The following GUCY1A2 variants were observed in gnomAD, a reference collection of about 807,000 sequenced individuals.
The protein encoded by GUCY1A2 is guanylate cyclase soluble subunit alpha-2.
A neutral mutation model predicts 63.5 loss-of-function variants in GUCY1A2; 27 were observed. The ratio of observed to expected loss-of-function variants is 0.43; its 90% CI spans 0.31 to 0.59. The LOEUF (loss-of-function observed/expected upper bound fraction) is 0.59, where lower values mean the gene tolerates loss of function less well. Ranked by LOEUF, GUCY1A2 falls within the 20% of genes least tolerant of loss-of-function variation. The pLI, the probability that GUCY1A2 is intolerant of heterozygous loss-of-function variation, is 0.11. For missense variants in GUCY1A2, 768 were observed against 913.3 expected (o/e 0.84, Z 2.05); for synonymous variants, 364 against 343.5 (o/e 1.06, Z -0.66).
intron 5 of GUCY1A2, among the ~76,000 whole-genome samples, chr11:106,805,881 C>A (rs953066235): frequency 1.3e-5 from 2 of 152,134 alleles, no homozygotes; most frequent in Admixed American, 1.3e-4. Context: ...TGTACAAAAA[C>A]TATAGGCTTT....
At chr11:106,855,856 T>G (rs1859422497) in intron 4 of GUCY1A2, among the ~76,000 whole-genome samples, 1 of 151,888 alleles carries the variant, frequency 6.6e-6, no homozygotes, top group Non-Finnish European at 1.5e-5. Flanking sequence ...TAGTCCTTCA[T>G]AGTTCAAGGG....
At chr11:106,755,244 T>C (rs1176371312) in intron 6 of GUCY1A2, among the ~76,000 whole-genome samples, 1 of 150,548 alleles carries the variant, frequency 6.6e-6, no homozygotes, top group East Asian at 1.9e-4. Context: ...ATCTCTTTTC[T>C]TATTAGTCTT....
At chr11:106,733,838 C>T (rs914275872) in intron 6 of GUCY1A2, among the ~76,000 whole-genome samples, 8 of 152,072 alleles carry the variant, frequency 5.3e-5, no homozygotes, top group African/African-American at 1.7e-4. Context: ...ACTTGGATAT[C>T]GAAGGCAATC....
chr11:106,721,857 C>T (rs1863322425), intron 6 of GUCY1A2, among the ~76,000 whole-genome samples: 1 of 152,206 alleles, frequency 6.6e-6, no homozygotes, highest in Non-Finnish European at 1.5e-5. Flanking sequence ...TCCTCAGCCC[C>T]ACTGAAGTTA....
rs1488090660 is a variant in GUCY1A2 at position 106,827,239 on chromosome 11, T to C, written c.1207-16761A>G. The C allele has an allele frequency of 2.6e-6, 4 of 1,545,010 alleles. No homozygotes were observed. In the African/African-American group the frequency reaches 4.1e-5, roughly 16 times the overall value. ...TTTAGATTTGCTTCTAGCTTCCTTTTTCCTTCCTTCAGTTGTATATCTGGT... is the reference window on the plus strand; with the variant it reads ...TTTAGATTTGCTTCTAGCTTCCTTTCTCCTTCCTTCAGTTGTATATCTGGT... On this transcript the variant is annotated intron_variant, in intron 4 of 7. Transcript: ENST00000526355.
At chr11:106,993,224 T>G (rs1179929725) in intron 1 of GUCY1A2, among the ~76,000 whole-genome samples, 1 of 152,188 alleles carries the variant, frequency 6.6e-6, no homozygotes, top group Non-Finnish European at 1.5e-5. Flanking sequence ...GGTCACAAAG[T>G]GGAGATCACC....
At chr11:106,989,435 T>C (rs1861443310) in intron 1 of GUCY1A2, among the ~76,000 whole-genome samples, 1 of 152,192 alleles carries the variant, frequency 6.6e-6, no homozygotes, top group African/African-American at 2.4e-5. Flanking sequence ...TGTGCAGGTT[T>C]GTTACATATG....
intron 4 of GUCY1A2, chr11:106,827,851 T>A (rs902772830): frequency 2.7e-5 from 43 of 1,600,050 alleles, no homozygotes; most frequent in Non-Finnish European, 3.7e-5. Flanking sequence ...CCGACCACCA[T>A]GAACTTCCCT....
chr11:106,947,961 T>C lies in GUCY1A2; in HGVS notation c.488-7783A>G, dbSNP rs576413084. 2.6e-5 allele frequency among the ~76,000 whole-genome samples: 4 copies of C among 152,140 alleles called. No individual in the cohort carries two copies. The South Asian group carries it at 6.2e-4, about 24-fold the overall frequency. On this transcript the variant is annotated intron_variant, in intron 3 of 7. Coordinates refer to ENST00000526355, the MANE Select transcript of GUCY1A2 (RefSeq NM_000855.3). ...TAAAAGCTGAAATTAAGAAAGAAAG[T>C]AACTAAATTGGAATAAGAATACATA...
At chr11:106,721,351 G>A (rs971188055) in intron 6 of GUCY1A2, among the ~76,000 whole-genome samples, 8 of 152,064 alleles carry the variant, frequency 5.3e-5, no homozygotes, top group African/African-American at 1.4e-4. Flanking sequence ...GAGCCACCGC[G>A]CCTGGCCAAC....
At chr11:106,895,561 A>G (rs114201648) in intron 4 of GUCY1A2, among the ~76,000 whole-genome samples, 2,750 of 152,234 alleles carry the variant, frequency 0.018, 86 homozygotes, top group African/African-American at 0.063. Context: ...TCCTCCGCAC[A>G]TGCTCTCTTG....
chr11:106,896,563 T>C (rs1480411453), intron 4 of GUCY1A2, among the ~76,000 whole-genome samples: 2 of 152,198 alleles, frequency 1.3e-5, no homozygotes, highest in East Asian at 3.8e-4. Flanking sequence ...TTAAGAAGTG[T>C]GGCCTTTGGA....
chr11:106,913,361 AAGG>A (rs969057378), intron 4 of GUCY1A2, among the ~76,000 whole-genome samples: 7 of 152,132 alleles, frequency 4.6e-5, no homozygotes, highest in South Asian at 2.1e-4. Context: ...CATTAGTGGA[AAGG>A]AGAACTGCCA....
intron 5 of GUCY1A2, among the ~76,000 whole-genome samples, chr11:106,785,876 C>CATT (rs112406625): frequency 1.4e-5 from 2 of 147,958 alleles, no homozygotes; most frequent in African/African-American, 5.0e-5. Context: ...CGATATCCAC[C>CATT]TTTTTTTTTT....
intron 1 of GUCY1A2, among the ~76,000 whole-genome samples, chr11:107,002,886 C>A (rs1178142787): frequency 1.3e-5 from 2 of 151,948 alleles, no homozygotes; most frequent in Non-Finnish European, 2.9e-5. Flanking sequence ...TGAATAAAAC[C>A]AAAATATGAC....
At position 106,827,232 on chromosome 11, in the gene GUCY1A2, T is replaced by C. The variant is rs960203490; in HGVS notation, c.1207-16754A>G. On this transcript the variant is annotated intron_variant, in intron 4 of 7. Transcript: ENST00000526355. Reference sequence around the variant, plus strand: ...TATCTGATTTAGATTTGCTTCTAGCTTCCTTTTTCCTTCCTTCAGTTGTAT... The same window carrying C: ...TATCTGATTTAGATTTGCTTCTAGCCTCCTTTTTCCTTCCTTCAGTTGTAT... The C allele has an allele frequency of 1.4e-5, 22 of 1,538,160 alleles. No homozygotes were observed. In the African/African-American group the frequency reaches 2.9e-4, roughly 20 times the overall value.
intron 4 of GUCY1A2, among the ~76,000 whole-genome samples, chr11:106,862,374 G>A (rs1176358432): frequency 6.6e-6 from 1 of 151,868 alleles, no homozygotes; most frequent in Non-Finnish European, 1.5e-5. Flanking sequence ...AAACAAGGAG[G>A]TTAAATGGTA....
intron 4 of GUCY1A2, chr11:106,824,018 CT>C: frequency 7.7e-7 from 1 of 1,295,430 alleles, no homozygotes; most frequent in Non-Finnish European, 1.1e-6. Flanking sequence ...TCCGTGATTC[CT>C]TCAAAAGCTT....
intron 5 of GUCY1A2, among the ~76,000 whole-genome samples, chr11:106,778,485 C>G (rs1049009698): frequency 6.6e-6 from 1 of 151,922 alleles, no homozygotes; most frequent in South Asian, 2.1e-4. Flanking sequence ...CGGTGAAACC[C>G]CATCTCTACT....
Sources: allele counts gnomAD v4.1 joint callset (sites outside exome capture counted in the v4.1 genomes callset), GRCh38; gene constraint gnomAD v4.1.1; transcripts MANE v1.5; gene names NCBI Gene and HGNC (gene_info 2026-07-23, HGNC 2026-07-21).